The following PRMT9 variants were observed in gnomAD, a reference collection of about 807,000 sequenced individuals.
PRMT9 encodes the protein protein arginine methyltransferase 9.
A neutral mutation model predicts 83.2 loss-of-function variants in PRMT9; 59 were observed. That is an observed-to-expected ratio of 0.71 (90% CI 0.57 to 0.88). The LOEUF is 0.88. PRMT9 is among the 40% of genes least tolerant of loss of function. The probability of loss-of-function intolerance (pLI) is 0.00; values close to 1 mark genes in which losing one functional copy is unlikely to be tolerated. For missense variants in PRMT9, 947 were observed against 1,021.9 expected, an observed-to-expected ratio of 0.93 and a Z score of 1.00; for synonymous variants, 333 against 353.2, an observed-to-expected ratio of 0.94 and a Z score of 0.64.
Position 147,654,231 on chromosome 4 carries a change from T to C in PRMT9, c.1666A>G (p.Thr556Ala). The change falls in exon 9 of 12, where the codon ACC becomes GCC. Residue 556 changes from threonine to alanine, a missense_variant. Thr to Ala is a moderately conservative substitution (Grantham distance 58). Coordinates refer to ENST00000322396, the MANE Select transcript of PRMT9 (RefSeq NM_138364.4). The part of the protein sequence containing the change: ...SSLTPEKLYQ[T>A]MDTHCQNEMS... ...TCATTCTGACAGTGAGTATCCATGG[T>C]CTGATACAGTTTCTCTGGAGTCAGT... is the stretch of plus-strand genomic sequence containing the variant. The C allele has an allele frequency of 6.2e-7, 1 of 1,614,168 alleles. No individual in the cohort carries two copies. Among genetic ancestry groups the C allele is most frequent in the Non-Finnish European group, 8.5e-7 (1 of 1,179,992 alleles).
intron 9 of PRMT9, among the ~76,000 whole-genome samples, chr4:147,650,768 G>A (rs1578887214): frequency 1.3e-5 from 2 of 152,310 alleles, no homozygotes; most frequent in South Asian, 4.1e-4. Context: ...CTGTGGTATG[G>A]TACTGGTATA....
chr4:147,642,406 T>G (rs918784973), intron 10 of PRMT9, among the ~76,000 whole-genome samples: 4 of 151,596 alleles, frequency 2.6e-5, no homozygotes, highest in Admixed American at 1.3e-4. Context: ...ACCTGGCTAA[T>G]TTTTTTGTAT....
chr4:147,645,126 T>A (rs182483218), intron 9 of PRMT9, among the ~76,000 whole-genome samples: 32 of 152,312 alleles, frequency 2.1e-4, no homozygotes, highest in Middle Eastern at 3.4e-3. Context: ...AAGTAATTCA[T>A]ATACATTTCC....
At chr4:147,677,445 ATTTTTTTTTTT>A (rs11321232) in intron 2 of PRMT9, among the ~76,000 whole-genome samples, 2 of 70,778 alleles carry the variant, frequency 2.8e-5, no homozygotes, top group African/African-American at 9.8e-5. Flanking sequence ...GACAGGTAGA[ATTTTTTTTTTT>A]TTTTTTTTTT....
At chr4:147,681,115 C>T (rs1736441264) in intron 1 of PRMT9, among the ~76,000 whole-genome samples, 1 of 152,222 alleles carries the variant, frequency 6.6e-6, no homozygotes, top group Non-Finnish European at 1.5e-5. Flanking sequence ...ACTCCTCTGA[C>T]ACAGGCTATA....
intron 7 of PRMT9, among the ~76,000 whole-genome samples, chr4:147,658,536 C>A (rs1478699148): frequency 6.6e-6 from 1 of 152,070 alleles, no homozygotes; most frequent in Non-Finnish European, 1.5e-5. Flanking sequence ...GCAGGCATGA[C>A]TTTTGAAATT....
chr4:147,681,515 G>A (rs568753706), intron 1 of PRMT9, among the ~76,000 whole-genome samples: 3 of 152,328 alleles, frequency 2.0e-5, no homozygotes, highest in South Asian at 2.1e-4. Context: ...GGCCGGGCAC[G>A]GTGGCTCATG....
At chr4:147,670,801 A>G in intron 4 of PRMT9, 58 bp from the exon 5 acceptor site, 1 of 1,105,256 alleles carries the variant, frequency 9.0e-7, no homozygotes, top group Non-Finnish European at 1.4e-6. Flanking sequence ...TTATATAAAG[A>G]TGTCAAAGCT....
At chr4:147,653,810 C>CA (rs368548509) in intron 9 of PRMT9, 42 bp downstream of exon 9, 39,158 of 1,059,804 alleles carry the variant, frequency 0.037, 48 homozygotes, top group African/African-American at 0.057. Flanking sequence ...AATCTGACCT[C>CA]AAAAAAAAAA....
At chr4:147,641,258 A>T (rs1467477792) in intron 10 of PRMT9, among the ~76,000 whole-genome samples, 1 of 152,144 alleles carries the variant, frequency 6.6e-6, no homozygotes, top group Admixed American at 6.5e-5. Context: ...CAAAAGCCAC[A>T]GTCCTTACAA....
chr4:147,652,975 T>C lies in PRMT9; in HGVS notation c.2045+877A>G, dbSNP rs547907775. ...TAGAACTGAAGGTATCAGTATTCAC[T>C]CATGATTTTATATAAATAGATAAAT... On this transcript the variant is annotated intron_variant, in intron 9 of 11. Transcript: ENST00000322396. Among the ~76,000 whole-genome samples, 329 of 152,302 alleles carry C rather than the reference T, an allele frequency of 2.2e-3. 4 individuals carry two copies. Among genetic ancestry groups the C allele is most frequent in the Middle Eastern group, 0.02 (6 of 294 alleles).
chr4:147,654,575 A>G lies in PRMT9; in HGVS notation c.1331-9T>C. Reference sequence around the variant, plus strand: ...AGGCTTTATCCAGTAGTCTTCATTAAATAGTAAGGAAGAAAAAAAATATGG... The same window carrying G: ...AGGCTTTATCCAGTAGTCTTCATTAGATAGTAAGGAAGAAAAAAAATATGG... On this transcript the variant is annotated splice_polypyrimidine_tract_variant and intron_variant, in intron 8 of 11. Coordinates refer to ENST00000322396, the MANE Select transcript of PRMT9 (RefSeq NM_138364.4). 6.4e-7 allele frequency: 1 copy of G among 1,570,756 alleles called. No individual in the cohort carries two copies. The highest frequency in any genetic ancestry group is 8.8e-7 in the Non-Finnish European group (1 of 1,142,592).
intron 2 of PRMT9, among the ~76,000 whole-genome samples, chr4:147,678,221 T>G (rs950811585): frequency 6.6e-6 from 1 of 152,234 alleles, no homozygotes; most frequent in African/African-American, 2.4e-5. Flanking sequence ...AGTTCATTAT[T>G]CATAACATTA....
At chr4:147,647,917 A>G (rs1034463273) in intron 9 of PRMT9, among the ~76,000 whole-genome samples, 3 of 152,188 alleles carry the variant, frequency 2.0e-5, no homozygotes, top group African/African-American at 7.2e-5. Flanking sequence ...GGTTCCCACA[A>G]TGTCCTCTTT....
intron 4 of PRMT9, chr4:147,672,180 T>C: frequency 8.0e-6 from 2 of 249,324 alleles, no homozygotes; most frequent in South Asian, 9.0e-5. Flanking sequence ...AGAATAAATG[T>C]AGAGACGATT....
Position 147,638,532 on chromosome 4 carries a change from T to TCATTGCTTTACTGTGATGCTGA in PRMT9, c.2516_2537dup (p.Ter846CysfsTer18), listed in dbSNP as rs1384636443. Reference sequence around the variant, plus strand: ...ACAGTTTTCATTGGAAAACTGCTCTTCATTGCTTTACTGTGATGCTGACAT... The same window carrying TCATTGCTTTACTGTGATGCTGA: ...ACAGTTTTCATTGGAAAACTGCTCTTCATTGCTTTACTGTGATGCTGACATTGCTTTACTGTGATGCTGACAT... On this transcript the variant is annotated frameshift_variant and stop_lost, in exon 12 of 12. Transcript: ENST00000322396. LOFTEE classifies it high-confidence loss of function. 4.3e-6 allele frequency: 7 copies of TCATTGCTTTACTGTGATGCTGA among 1,612,660 alleles called. No individual in the cohort carries two copies. Among genetic ancestry groups the TCATTGCTTTACTGTGATGCTGA allele is most frequent in the Non-Finnish European group, 5.9e-6 (7 of 1,178,928 alleles).
intron 9 of PRMT9, among the ~76,000 whole-genome samples, chr4:147,647,533 T>C (rs1447160609): frequency 1.3e-5 from 2 of 151,916 alleles, no homozygotes; most frequent in Non-Finnish European, 1.5e-5. Context: ...TTCTTTTTTT[T>C]TTTTTTTGAG....
intron 9 of PRMT9, 135 bp from the exon 10 acceptor site, chr4:147,643,075 C>T: frequency 1.4e-6 from 1 of 721,982 alleles, no homozygotes; most frequent in South Asian, 1.5e-5. Flanking sequence ...GCCTGGGCAA[C>T]ATGGCGAAAC....
intron 2 of PRMT9, among the ~76,000 whole-genome samples, chr4:147,674,374 C>T (rs114231707): frequency 6.6e-6 from 1 of 152,046 alleles, no homozygotes; most frequent in African/African-American, 2.4e-5. Flanking sequence ...TAAATATCAC[C>T]GCAGAAAGGG....
Sources: allele counts gnomAD v4.1 joint callset (sites outside exome capture counted in the v4.1 genomes callset), GRCh38; gene constraint gnomAD v4.1.1; transcripts MANE v1.5; gene names NCBI Gene and HGNC (gene_info 2026-07-23, HGNC 2026-07-21).